The following SERGEF variants were observed in gnomAD, a reference collection of about 807,000 sequenced individuals.
SERGEF encodes secretion regulating guanine nucleotide exchange factor.
A neutral mutation model predicts 50.0 loss-of-function variants in SERGEF; 51 were observed. The ratio of observed to expected loss-of-function variants is 1.02; its 90% CI spans 0.81 to 1.29. SERGEF has a LOEUF of 1.29. Ranked by LOEUF, SERGEF falls within the 50% of genes most tolerant of loss-of-function variation. SERGEF has a pLI of 0.00. For synonymous variants in SERGEF, 205 were observed against 212.4 expected (o/e 0.97, Z 0.30); for missense variants, 521 against 557.0 (o/e 0.94, Z 0.65).
At chr11:18,003,029 A>G (rs963718236) in intron 4 of SERGEF, among the ~76,000 whole-genome samples, 1 of 152,196 alleles carries the variant, frequency 6.6e-6, no homozygotes, top group Non-Finnish European at 1.5e-5. Context: ...TCTATTTGCA[A>G]TTGGGAGCTA....
intron 8 of SERGEF, among the ~76,000 whole-genome samples, chr11:17,981,110 T>A (rs536717): frequency 0.23 from 34,871 of 152,130 alleles, 4,499 homozygotes; most frequent in African/African-American, 0.35. Flanking sequence ...CCTGAAATCC[T>A]AGAGCCTGCA....
intron 9 of SERGEF, among the ~76,000 whole-genome samples, chr11:17,904,916 A>C (rs1489715664): frequency 6.6e-6 from 1 of 152,170 alleles, no homozygotes; most frequent in Non-Finnish European, 1.5e-5. Context: ...AGTTTCACCT[A>C]TCCTAATGGG....
chr11:17,845,073 T>C (rs1034240440), intron 10 of SERGEF, among the ~76,000 whole-genome samples: 1 of 152,212 alleles, frequency 6.6e-6, no homozygotes, highest in Non-Finnish European at 1.5e-5. Flanking sequence ...TAGGCCCTTC[T>C]ATAGGTCCTC....
chr11:17,994,629 A>G (rs1005943303), intron 6 of SERGEF, among the ~76,000 whole-genome samples: 1 of 152,142 alleles, frequency 6.6e-6, no homozygotes, highest in African/African-American at 2.4e-5. Flanking sequence ...TTGATGAAGA[A>G]GACAAAAATG....
intron 1 of SERGEF, among the ~76,000 whole-genome samples, chr11:18,012,342 T>C (rs1055335401): frequency 3.3e-5 from 5 of 152,014 alleles, no homozygotes; most frequent in African/African-American, 4.8e-5. Flanking sequence ...AACCCTCCTC[T>C]CTCCCAGACA....
chr11:17,802,231 AG>A (rs1236596073), intron 10 of SERGEF, among the ~76,000 whole-genome samples: 9 of 152,222 alleles, frequency 5.9e-5, no homozygotes, highest in African/African-American at 2.2e-4. Flanking sequence ...TCTAATTTCC[AG>A]GTAGTATGAG....
intron 10 of SERGEF, among the ~76,000 whole-genome samples, chr11:17,810,806 GAA>G (rs879258745): frequency 3.7e-5 from 5 of 134,702 alleles, no homozygotes; most frequent in African/African-American, 1.3e-4. Context: ...TACAGGTGAA[GAA>G]AAAAAAAAAA....
intron 9 of SERGEF, among the ~76,000 whole-genome samples, chr11:17,927,025 C>A (rs1237919816): frequency 6.6e-6 from 1 of 152,220 alleles, no homozygotes; most frequent in Non-Finnish European, 1.5e-5. Flanking sequence ...CAACTCCAGG[C>A]CCCTGACAGG....
intron 3 of SERGEF, among the ~76,000 whole-genome samples, chr11:18,005,202 A>G (rs1384848704): frequency 6.6e-6 from 1 of 152,218 alleles, no homozygotes; most frequent in Non-Finnish European, 1.5e-5. Context: ...AGGAAAGAGC[A>G]TTATCTACTG....
intron 8 of SERGEF, among the ~76,000 whole-genome samples, chr11:17,988,371 C>T (rs1182389192): frequency 6.6e-6 from 1 of 152,146 alleles, no homozygotes; most frequent in Non-Finnish European, 1.5e-5. Context: ...GCTCTTAGGA[C>T]CGGAAGGAGT....
At chr11:17,877,991 C>T (rs1218794264) in intron 10 of SERGEF, 1 of 480,156 alleles carries the variant, frequency 2.1e-6, no homozygotes, top group Non-Finnish European at 3.7e-6. Context: ...GAGGCCAGCT[C>T]AGGTACCTTA....
At chr11:17,929,145 T>C (rs1458075116) in intron 9 of SERGEF, among the ~76,000 whole-genome samples, 2 of 152,212 alleles carry the variant, frequency 1.3e-5, no homozygotes, top group African/African-American at 4.8e-5. Context: ...TTTGGTGGAA[T>C]AGCCTTTATT....
chr11:17,928,232 T>C (rs543018973), intron 9 of SERGEF, among the ~76,000 whole-genome samples: 1 of 152,270 alleles, frequency 6.6e-6, no homozygotes, highest in South Asian at 2.1e-4. Flanking sequence ...CTCACCTGTC[T>C]CCTGACTGGT....
At chr11:17,942,697 G>A (rs76408536) in intron 9 of SERGEF, among the ~76,000 whole-genome samples, 2,718 of 152,154 alleles carry the variant, frequency 0.018, 82 homozygotes, top group African/African-American at 0.062. Flanking sequence ...GATCTAAGAA[G>A]GAATACATTA....
At chr11:17,962,026 A>G (rs1382105091) in intron 8 of SERGEF, among the ~76,000 whole-genome samples, 1 of 152,254 alleles carries the variant, frequency 6.6e-6, no homozygotes, top group Non-Finnish European at 1.5e-5. Context: ...TGAGAGTTAA[A>G]TGATTTGGTT....
chr11:17,946,035 G>A (rs1318504619), intron 9 of SERGEF, among the ~76,000 whole-genome samples: 1 of 152,074 alleles, frequency 6.6e-6, no homozygotes, highest in African/African-American at 2.4e-5. Flanking sequence ...TGGTCTCCAG[G>A]TGATTAAGAG....
chr11:17,908,987 C>T (rs777743797), intron 9 of SERGEF, among the ~76,000 whole-genome samples: 11 of 152,164 alleles, frequency 7.2e-5, no homozygotes, highest in Non-Finnish European at 1.5e-4. Flanking sequence ...GGTATAGAAG[C>T]AGCAGAGAAA....
At chr11:17,993,627 T>C (rs1192744015) in intron 6 of SERGEF, among the ~76,000 whole-genome samples, 1 of 152,222 alleles carries the variant, frequency 6.6e-6, no homozygotes, top group Admixed American at 6.5e-5. Context: ...AGCATGCAGA[T>C]AGACGCAGAC....
At chr11:17,946,584 G>A (rs1242718341) in intron 9 of SERGEF, among the ~76,000 whole-genome samples, 2 of 152,144 alleles carry the variant, frequency 1.3e-5, no homozygotes, top group Non-Finnish European at 2.9e-5. Context: ...TGTGCCAGGG[G>A]AGCAGAATGA....
Sources: allele counts gnomAD v4.1 joint callset (sites outside exome capture counted in the v4.1 genomes callset), GRCh38; gene constraint gnomAD v4.1.1; transcripts MANE v1.5; gene names NCBI Gene and HGNC (gene_info 2026-07-23, HGNC 2026-07-21).